BMP5: variants seen among roughly 807,000 people sequenced by gnomAD.
The protein encoded by BMP5 is bone morphogenetic protein 5.
BMP5 carries 23 observed loss-of-function variants against 46.6 expected under a neutral mutation model. The observed-to-expected ratio is 0.49, with a 90% confidence interval of 0.35 to 0.70. BMP5 has a LOEUF of 0.70. Among genes scored for constraint, BMP5 ranks in the 30% least tolerant of loss-of-function variants. BMP5 has a pLI of 0.00. For missense variants in BMP5, 545 were observed against 565.6 expected (o/e 0.96, Z 0.37); for synonymous variants, 204 against 191.9 (o/e 1.06, Z -0.52).
intron 3 of BMP5, among the ~76,000 whole-genome samples, chr6:55,777,376 C>A (rs1174277348): frequency 6.6e-6 from 1 of 151,686 alleles, no homozygotes; most frequent in Non-Finnish European, 1.5e-5. Flanking sequence ...AAGAAGCCTA[C>A]CTAAAGCATT....
chr6:55,845,635 A>G (rs1312346709), intron 1 of BMP5, among the ~76,000 whole-genome samples: 1 of 151,968 alleles, frequency 6.6e-6, no homozygotes, highest in Non-Finnish European at 1.5e-5. Context: ...ATGAAGTTGA[A>G]CCACCATAAA....
At position 55,851,137 on chromosome 6, in the gene BMP5, C is replaced by CT. The variant is rs11340072; in HGVS notation, c.490+23238dup. On this transcript the variant is annotated intron_variant, in intron 1 of 6. Coordinates refer to ENST00000370830, the MANE Select transcript of BMP5 (RefSeq NM_021073.4). ...TTTTGTTTTGTTTTGTTTTGTTTTG[C>CT]TTTTTTTTTTTTTTTACTTTAATAG... Among the ~76,000 whole-genome samples, 625 of 140,584 alleles carry CT rather than the reference C, an allele frequency of 4.4e-3. 4 individuals are homozygous for CT. The highest frequency in any genetic ancestry group is 0.015 in the Middle Eastern group (4 of 274). The allele number at this position is 140,584 out of a possible 152,430, so 92.2% of individuals were successfully genotyped here.
chr6:55,855,932 G>A (rs73448143), intron 1 of BMP5, among the ~76,000 whole-genome samples: 4,786 of 152,150 alleles, frequency 0.031, 250 homozygotes, highest in African/African-American at 0.11. Flanking sequence ...GCTTTTACCA[G>A]TGAAATCTAC....
chr6:55,761,975 A>G (rs1053016134), intron 4 of BMP5, among the ~76,000 whole-genome samples: 2 of 152,146 alleles, frequency 1.3e-5, no homozygotes, highest in Admixed American at 1.3e-4. Flanking sequence ...AGTGTTCCAT[A>G]AGTGATTTGA....
chr6:55,850,877 A>G (rs1777226004), intron 1 of BMP5, among the ~76,000 whole-genome samples: 1 of 152,156 alleles, frequency 6.6e-6, no homozygotes, highest in South Asian at 2.1e-4. Flanking sequence ...CAAACAGGAG[A>G]TAATAAACAG....
rs72868892 is a variant in BMP5, at chr6:55,818,688, C to T, written c.683+967G>A. 9.2e-3 allele frequency among the ~76,000 whole-genome samples: 1,394 copies of T among 152,136 alleles called. 10 individuals are homozygous for T. Among genetic ancestry groups the T allele is most frequent in the Non-Finnish European group, 0.013 (885 of 67,998 alleles). On this transcript the variant is annotated intron_variant, in intron 2 of 6. Transcript: ENST00000370830. ...CATTGAGTATTGCAAGGCACTATTGCGAAATTCTGCCAAACTGGAAGACCA... is the reference window on the plus strand; with the variant it reads ...CATTGAGTATTGCAAGGCACTATTGTGAAATTCTGCCAAACTGGAAGACCA...
chr6:55,801,929 G>A (rs113017539), intron 2 of BMP5, among the ~76,000 whole-genome samples: 88 of 152,242 alleles, frequency 5.8e-4, no homozygotes, highest in African/African-American at 2.1e-3. Context: ...TCAAAAGGAT[G>A]GCCTTTTGAA....
intron 3 of BMP5, among the ~76,000 whole-genome samples, chr6:55,791,387 C>A (rs895107908): frequency 6.6e-6 from 1 of 152,112 alleles, no homozygotes; most frequent in African/African-American, 2.4e-5. Context: ...CATGTTTAAC[C>A]ATTTGAAAAT....
intron 2 of BMP5, among the ~76,000 whole-genome samples, chr6:55,802,962 G>A (rs1373086845): frequency 6.6e-6 from 1 of 151,782 alleles, no homozygotes; most frequent in Non-Finnish European, 1.5e-5. Context: ...GGATTAAAAG[G>A]CAGAATTACT....
chr6:55,848,744 A>G (rs754963502), intron 1 of BMP5, among the ~76,000 whole-genome samples: 2 of 151,974 alleles, frequency 1.3e-5, no homozygotes, highest in Non-Finnish European at 2.9e-5. Flanking sequence ...CTAAAATGCT[A>G]TGATTCTAAA....
chr6:55,780,284 C>T (rs1456952418), intron 3 of BMP5, among the ~76,000 whole-genome samples: 1 of 151,296 alleles, frequency 6.6e-6, no homozygotes, highest in Non-Finnish European at 1.5e-5. Context: ...AGTACCCTGA[C>T]ACACTGATAT....
intron 3 of BMP5, among the ~76,000 whole-genome samples, chr6:55,780,896 G>A (rs1775300806): frequency 6.6e-6 from 1 of 151,990 alleles, no homozygotes; most frequent in Admixed American, 6.6e-5. Context: ...TTGCATGGAG[G>A]GCAGGACTGA....
chr6:55,806,460 T>C (rs1448994214), intron 2 of BMP5, among the ~76,000 whole-genome samples: 3 of 152,224 alleles, frequency 2.0e-5, no homozygotes, highest in Non-Finnish European at 4.4e-5. Flanking sequence ...CATGCTGTTT[T>C]GGTTAGTGCA....
chr6:55,784,703 C>T (rs1388883904), intron 3 of BMP5, among the ~76,000 whole-genome samples: 2 of 151,710 alleles, frequency 1.3e-5, no homozygotes, highest in African/African-American at 4.8e-5. Flanking sequence ...TTGTGGACCA[C>T]ATCACAATTA....
At chr6:55,769,079 T>C (rs1481987611) in intron 4 of BMP5, among the ~76,000 whole-genome samples, 2 of 151,974 alleles carry the variant, frequency 1.3e-5, no homozygotes, top group South Asian at 2.1e-4. Context: ...TCAATGTTGA[T>C]ACCTGCTGAC....
chr6:55,765,233 AT>A (rs1427995751), intron 4 of BMP5, among the ~76,000 whole-genome samples: 2 of 152,074 alleles, frequency 1.3e-5, no homozygotes, highest in Middle Eastern at 3.4e-3. Flanking sequence ...TTCATATACC[AT>A]TTTTTTTCTT....
At chr6:55,797,842 T>C (rs1191730291) in intron 2 of BMP5, among the ~76,000 whole-genome samples, 1 of 152,102 alleles carries the variant, frequency 6.6e-6, no homozygotes, top group Non-Finnish European at 1.5e-5. Flanking sequence ...GGTCTCGATC[T>C]CCTGACCTCG....
chr6:55,863,963 A>G (rs188157639), intron 1 of BMP5, among the ~76,000 whole-genome samples: 16 of 152,242 alleles, frequency 1.1e-4, no homozygotes, highest in Admixed American at 4.6e-4. Context: ...CAGTGATGAA[A>G]TCACCTAAAG....
At chr6:55,804,024 T>C (rs1056443846) in intron 2 of BMP5, among the ~76,000 whole-genome samples, 10 of 152,222 alleles carry the variant, frequency 6.6e-5, no homozygotes, top group Non-Finnish European at 1.3e-4. Flanking sequence ...GTCAAATCCC[T>C]ATAATAAATA....
Sources: gnomAD v4.1 joint callset for allele counts (sites outside exome capture counted in the v4.1 genomes callset) on GRCh38, gnomAD v4.1.1 for gene constraint, MANE v1.5 for transcripts, NCBI Gene and HGNC (gene_info 2026-07-23, HGNC 2026-07-21) for gene names.